GLO1: variants seen among roughly 807,000 people sequenced by gnomAD.
GLO1 encodes the protein lactoylglutathione lyase.
A neutral mutation model predicts 26.0 loss-of-function variants in GLO1; 28 were observed. That is an observed-to-expected ratio of 1.08 (90% CI 0.80 to 1.48). The LOEUF (loss-of-function observed/expected upper bound fraction) is 1.48, where lower values mean the gene tolerates loss of function less well. GLO1 is among the 40% of genes most tolerant of loss of function. GLO1 has a pLI of 0.00. For synonymous variants in GLO1, 78 were observed against 77.6 expected (o/e 1.00, Z -0.03); for missense variants, 225 against 224.8 (o/e 1.00, Z -0.01).
chr6:38,684,527 A>T lies in GLO1; in HGVS notation c.168-13T>A. ...TTTTTGGATTAGCCTGCAATGAAAA[A>T]ACAACAAGCCTGAATCATTAACAAC... is the stretch of plus-strand genomic sequence containing the variant. On this transcript the variant is annotated splice_polypyrimidine_tract_variant and intron_variant, in intron 2 of 5. Coordinates refer to ENST00000373365, the MANE Select transcript of GLO1 (RefSeq NM_006708.3). 6.8e-7 allele frequency: 1 copy of T among 1,478,770 alleles called. No homozygotes were observed. The highest frequency in any genetic ancestry group is 9.0e-7 in the Non-Finnish European group (1 of 1,111,066). 91.6% of individuals were successfully genotyped at this position (1,478,770 alleles called of 1,614,324 possible).
At chr6:38,701,853 G>T (rs1470832035) in intron 1 of GLO1, among the ~76,000 whole-genome samples, 2 of 151,636 alleles carry the variant, frequency 1.3e-5, no homozygotes, top group African/African-American at 4.8e-5. Context: ...AAATGATGTA[G>T]TCAAATAAAT....
chr6:38,682,372 T>G (rs1761394333), intron 4 of GLO1, among the ~76,000 whole-genome samples: 1 of 152,170 alleles, frequency 6.6e-6, no homozygotes. Context: ...TTAAGAATAA[T>G]CGACACCAAA....
In GLO1 at chr6:38,703,108, A is replaced by C; in HGVS notation, c.-54T>G. 1 of 1,029,688 alleles carries C rather than the reference A, an allele frequency of 9.7e-7. No individual in the cohort carries two copies. The highest frequency in any genetic ancestry group is 1.5e-6 in the Non-Finnish European group (1 of 673,196). 63.8% of individuals were successfully genotyped at this position (1,029,688 alleles called of 1,614,324 possible). On this transcript the variant is annotated 5_prime_UTR_variant, in exon 1 of 6. Coordinates refer to ENST00000373365, the MANE Select transcript of GLO1 (RefSeq NM_006708.3). The stretch of plus-strand genomic sequence containing the variant: ...GACCCAAGGAACGGAGGAGTCACCC[A>C]CACTACGCCTCGGCCCTGTGCCGCC...
At chr6:38,683,928 G>C (rs952200844) in intron 3 of GLO1, among the ~76,000 whole-genome samples, 2 of 151,394 alleles carry the variant, frequency 1.3e-5, no homozygotes, top group African/African-American at 4.9e-5. Context: ...AAGACAAATG[G>C]GCCAGGCGTG....
intron 1 of GLO1, among the ~76,000 whole-genome samples, chr6:38,695,573 A>AG (rs1405963907): frequency 6.6e-6 from 1 of 151,986 alleles, no homozygotes; most frequent in Non-Finnish European, 1.5e-5. Context: ...ATATGGCAAG[A>AG]GGGGAAAGCC....
chr6:38,693,685 C>CTCTCTCTCTCTCTATA lies in GLO1; in HGVS notation c.85-6712_85-6711insTATAGAGAGAGAGAGA, dbSNP rs869232489. Among the ~76,000 whole-genome samples, 78 of 86,428 alleles carry CTCTCTCTCTCTCTATA rather than the reference C, an allele frequency of 9.0e-4. 1 individual carries two copies. The highest frequency in any genetic ancestry group is 5.6e-3 in the East Asian group (19 of 3,396). 56.7% of individuals were successfully genotyped at this position (86,428 alleles called of 152,430 possible). On this transcript the variant is annotated intron_variant, in intron 1 of 5. Coordinates refer to ENST00000373365, the MANE Select transcript of GLO1 (RefSeq NM_006708.3). Reference sequence around the variant, plus strand: ...TCTCTCTCTCTCTCTCTCTCTCTCTCTATATATATATATATATATATTTGT... The same window carrying CTCTCTCTCTCTCTATA: ...TCTCTCTCTCTCTCTCTCTCTCTCTCTCTCTCTCTCTCTATATATATATATATATATATATATTTGT...
At chr6:38,685,608 A>G (rs1253722395) in intron 2 of GLO1, among the ~76,000 whole-genome samples, 5 of 152,198 alleles carry the variant, frequency 3.3e-5, no homozygotes, top group African/African-American at 1.2e-4. Context: ...AGATCCTTGC[A>G]TTGACTTATC....
chr6:38,678,414 A>AGAAAAG (rs140748196), intron 5 of GLO1, among the ~76,000 whole-genome samples: 65,150 of 135,910 alleles, frequency 0.48, 15,407 homozygotes, highest in Non-Finnish European at 0.53. Flanking sequence ...GAAAAGGAAA[A>AGAAAAG]GAAAAGAAAA....
At chr6:38,684,162 G>A (rs1761429171) in intron 3 of GLO1, among the ~76,000 whole-genome samples, 1 of 152,038 alleles carries the variant, frequency 6.6e-6, no homozygotes, top group South Asian at 2.1e-4. Flanking sequence ...AGGCTTCAGA[G>A]AGCCTGTCTC....
chr6:38,694,846 G>A (rs1038699101), intron 1 of GLO1, among the ~76,000 whole-genome samples: 1 of 152,130 alleles, frequency 6.6e-6, no homozygotes, highest in African/African-American at 2.4e-5. Context: ...TTTTATCACT[G>A]TATAATGTAC....
At position 38,703,106 on chromosome 6, in the gene GLO1, C is replaced by G; in HGVS notation, c.-52G>C. On this transcript the variant is annotated 5_prime_UTR_variant, in exon 1 of 6. Transcript: ENST00000373365. The stretch of plus-strand genomic sequence containing the variant: ...GGGACCCAAGGAACGGAGGAGTCAC[C>G]CACACTACGCCTCGGCCCTGTGCCG... The G allele has an allele frequency of 9.7e-7, 1 of 1,030,530 alleles. No homozygotes were observed. The highest frequency in any genetic ancestry group is 1.5e-6 in the Non-Finnish European group (1 of 673,904). 63.8% of individuals were successfully genotyped at this position (1,030,530 alleles called of 1,614,324 possible). A position where few individuals can be genotyped will look rare whatever the true frequency, so the allele number is the denominator to read the frequency against.
chr6:38,679,884 G>A (rs1210303393), intron 5 of GLO1, among the ~76,000 whole-genome samples: 1 of 151,650 alleles, frequency 6.6e-6, no homozygotes, highest in Non-Finnish European at 1.5e-5. Context: ...GAAAATTAGA[G>A]ATCAAAATTA....
intron 5 of GLO1, among the ~76,000 whole-genome samples, chr6:38,677,951 C>T (rs1316806659): frequency 6.6e-6 from 1 of 152,072 alleles, no homozygotes; most frequent in East Asian, 1.9e-4. Context: ...TGATACCACA[C>T]TACCAGTTCA....
chr6:38,700,643 A>T (rs992259807), intron 1 of GLO1, among the ~76,000 whole-genome samples: 3 of 152,192 alleles, frequency 2.0e-5, no homozygotes, highest in Non-Finnish European at 4.4e-5. Flanking sequence ...CCCCAGGTCC[A>T]TTGTATATTA....
At position 38,702,956 on chromosome 6, in the gene GLO1, C is replaced by A. The variant is rs553667476; in HGVS notation, c.84+15G>T. ...GCGGAGCTGGGGGAGCCGTTCCCTT[C>A]GGTCCTGTGCCCACCTTGGTACTGG... On this transcript the variant is annotated intron_variant, in intron 1 of 5. Transcript: ENST00000373365. 16 of 1,463,004 alleles carry A rather than the reference C, an allele frequency of 1.1e-5. No individual in the cohort carries two copies. Among genetic ancestry groups the A allele is most frequent in the South Asian group, 6.8e-5 (6 of 87,988 alleles). The allele number at this position is 1,463,004 out of a possible 1,614,324, so 90.6% of individuals were successfully genotyped here.
At chr6:38,683,719 C>T (rs186929131) in intron 3 of GLO1, among the ~76,000 whole-genome samples, 5 of 152,084 alleles carry the variant, frequency 3.3e-5, no homozygotes, top group African/African-American at 1.2e-4. Flanking sequence ...AACCCCGTCT[C>T]TACAAAAAAT....
chr6:38,688,669 T>C (rs1366235165), intron 1 of GLO1, among the ~76,000 whole-genome samples: 1 of 152,132 alleles, frequency 6.6e-6, no homozygotes, highest in East Asian at 1.9e-4. Context: ...GCAGGCCTCA[T>C]GGGGGAGATC....
intron 3 of GLO1, 95 bp downstream of exon 3, chr6:38,684,279 T>A (rs1311861288): frequency 2.0e-6 from 1 of 488,758 alleles, no homozygotes; most frequent in African/African-American, 2.0e-5. Flanking sequence ...CAGATCTGGT[T>A]TGAATTATAC....
chr6:38,698,652 C>A (rs1006330889), intron 1 of GLO1, among the ~76,000 whole-genome samples: 1 of 135,130 alleles, frequency 7.4e-6, no homozygotes, highest in African/African-American at 2.8e-5. Context: ...GAAGGAGAAC[C>A]TGACCTTTTT....
Sources: allele counts gnomAD v4.1 joint callset (sites outside exome capture counted in the v4.1 genomes callset), GRCh38; gene constraint gnomAD v4.1.1; transcripts MANE v1.5; gene names NCBI Gene and HGNC (gene_info 2026-07-23, HGNC 2026-07-21).